The following ZNF565 variants were observed in gnomAD, a reference collection of about 807,000 sequenced individuals.
ZNF565 encodes zinc finger protein 565.
In ZNF565, 27 loss-of-function variants were observed where a neutral mutation model predicts 39.4. That is an observed-to-expected ratio of 0.69 (90% CI 0.51 to 0.95). The LOEUF (loss-of-function observed/expected upper bound fraction) is 0.95. Ranked by LOEUF, ZNF565 falls within the 40% of genes least tolerant of loss-of-function variation. The pLI is 0.00. For synonymous variants in ZNF565, 185 were observed against 216.6 expected, an observed-to-expected ratio of 0.85 and a Z score of 1.28; for missense variants, 524 against 621.1, an observed-to-expected ratio of 0.84 and a Z score of 1.66.
At chr19:36,224,689 A>G (rs1316914620) in intron 1 of ZNF565, among the ~76,000 whole-genome samples, 2 of 151,988 alleles carry the variant, frequency 1.3e-5, no homozygotes, top group African/African-American at 2.4e-5. Context: ...CCAGAGGGGG[A>G]AAAGGTAGAA....
At chr19:36,218,158 A>G (rs1287795876), upstream of ZNF565, 1 of 143,248 alleles carries the variant, frequency 7.0e-6, no homozygotes, top group Non-Finnish European at 1.5e-5. Flanking sequence ...TCCTGTGTTA[A>G]CTCCTTCCTC....
intron 4 of ZNF565, among the ~76,000 whole-genome samples, chr19:36,185,974 G>A (rs1975284046): frequency 6.6e-6 from 1 of 151,436 alleles, no homozygotes; most frequent in African/African-American, 2.4e-5. Context: ...GATTACGGGC[G>A]TTTGCCACTG....
intron 2 of ZNF565, among the ~76,000 whole-genome samples, chr19:36,200,028 T>C (rs1006965212): frequency 6.6e-6 from 1 of 151,796 alleles, no homozygotes; most frequent in African/African-American, 2.4e-5. Context: ...GAAAGAAATA[T>C]AATTTTTTTT....
At position 36,195,272 on chromosome 19, in the gene ZNF565, T is replaced by C. The variant is rs1975715934; in HGVS notation, c.10-116A>G. 12 of 1,198,090 alleles carry C rather than the reference T, an allele frequency of 1.0e-5. No homozygotes were observed. The East Asian group carries it at 2.4e-4, about 24-fold the overall frequency. The allele number at this position is 1,198,090 out of a possible 1,614,324, so 74.2% of individuals were successfully genotyped here. On this transcript the variant is annotated intron_variant, in intron 2 of 4. Coordinates refer to ENST00000304116, the MANE Select transcript of ZNF565 (RefSeq NM_152477.5). Reference sequence around the variant, plus strand: ...AGTTGACAGTAATGGCCCCCCGATATGCACCAGTCTGCTTCAACAGTTAAC... The same window carrying C: ...AGTTGACAGTAATGGCCCCCCGATACGCACCAGTCTGCTTCAACAGTTAAC...
intron 4 of ZNF565, among the ~76,000 whole-genome samples, chr19:36,188,391 TAAAAAC>T (rs1975394175): frequency 6.9e-6 from 1 of 144,164 alleles, no homozygotes; most frequent in Non-Finnish European, 1.5e-5. Flanking sequence ...AAAAAAAAAT[TAAAAAC>T]AAAAAACAAA....
intron 1 of ZNF565, among the ~76,000 whole-genome samples, chr19:36,205,205 T>C (rs368767875): frequency 1.3e-5 from 2 of 151,936 alleles, no homozygotes; most frequent in African/African-American, 2.4e-5. Context: ...CTGGGTAACA[T>C]AGTGAGCCCT....
At chr19:36,230,762 G>A (rs990557786) in intron 1 of ZNF565, among the ~76,000 whole-genome samples, 3 of 152,158 alleles carry the variant, frequency 2.0e-5, no homozygotes, top group Admixed American at 6.6e-5. Flanking sequence ...TTGATTCTGA[G>A]TGATTTGGGA....
chr19:36,242,162 A>G (rs1977811534), intron 1 of ZNF565, among the ~76,000 whole-genome samples: 1 of 152,226 alleles, frequency 6.6e-6, no homozygotes, highest in South Asian at 2.1e-4. Context: ...CTGTAATCCC[A>G]GCACTTTGGG....
At chr19:36,221,482 G>T (rs899468512) in intron 1 of ZNF565, among the ~76,000 whole-genome samples, 1 of 151,758 alleles carries the variant, frequency 6.6e-6, no homozygotes, top group Non-Finnish European at 1.5e-5. Context: ...TAGAGACGAG[G>T]TTTCACCATG....
chr19:36,237,145 A>G (rs201732634), intron 1 of ZNF565: 2 of 1,614,058 alleles, frequency 1.2e-6, no homozygotes, highest in African/African-American at 2.7e-5. Flanking sequence ...GAAGCCATAC[A>G]GGGGAGAAGC....
intron 1 of ZNF565, chr19:36,213,012 T>C (rs1599948163): frequency 6.6e-6 from 1 of 152,268 alleles, no homozygotes; most frequent in South Asian, 2.1e-4. Flanking sequence ...CCATCCTCCT[T>C]ACCTACCATA....
chr19:36,208,726 T>C (rs1008870355), intron 1 of ZNF565, among the ~76,000 whole-genome samples: 1 of 152,192 alleles, frequency 6.6e-6, no homozygotes, highest in African/African-American at 2.4e-5. Flanking sequence ...GGCCAAGTTA[T>C]GGGAGCTAGA....
chr19:36,221,846 A>G (rs1976854004), intron 1 of ZNF565, among the ~76,000 whole-genome samples: 1 of 151,434 alleles, frequency 6.6e-6, no homozygotes, highest in Non-Finnish European at 1.5e-5. Context: ...TACATAAAAG[A>G]TAGCATACCA....
chr19:36,212,889 CAAG>C (rs1445751346), intron 1 of ZNF565: 4 of 152,098 alleles, frequency 2.6e-5, no homozygotes, highest in Non-Finnish European at 4.4e-5. Context: ...TCCTGAAAAA[CAAG>C]AAGGATTTCA....
chr19:36,185,632 G>T (rs1975265885), intron 4 of ZNF565, among the ~76,000 whole-genome samples: 2 of 151,642 alleles, frequency 1.3e-5, no homozygotes, highest in African/African-American at 4.8e-5. Flanking sequence ...TCTCTCATCA[G>T]GTTCTTCCAT....
rs376763419 is a variant in ZNF565 at position 36,196,812 on chromosome 19, C to G, written c.10-1656G>C. On this transcript the variant is annotated intron_variant, in intron 2 of 4. Coordinates refer to ENST00000304116, the MANE Select transcript of ZNF565 (RefSeq NM_152477.5). ...GCTGGGCACGGTGGTAATTCCAGCA[C>G]TTTGGGAGGCTGAGGTGGGTGAATC... Among the ~76,000 whole-genome samples, 98 of 152,124 alleles carry G rather than the reference C, an allele frequency of 6.4e-4. 1 individual carries two copies. In the South Asian group the frequency reaches 0.019, roughly 29 times the overall value.
intron 1 of ZNF565, among the ~76,000 whole-genome samples, chr19:36,211,747 C>T (rs192595074): frequency 1.6e-3 from 238 of 151,426 alleles, no homozygotes; most frequent in African/African-American, 5.4e-3. Flanking sequence ...GAGCCGAGCT[C>T]GCGCCACTGC....
chr19:36,242,372 G>T (rs1325244936), intron 1 of ZNF565, among the ~76,000 whole-genome samples: 3 of 151,720 alleles, frequency 2.0e-5, no homozygotes, highest in Non-Finnish European at 2.9e-5. Flanking sequence ...TCAAGCTATT[G>T]AACTCCAGCC....
chr19:36,223,479 C>T (rs1164113491), intron 1 of ZNF565, among the ~76,000 whole-genome samples: 3 of 152,008 alleles, frequency 2.0e-5, no homozygotes, highest in Admixed American at 6.6e-5. Flanking sequence ...TCTCCTGCCT[C>T]AGCCTCCCAA....
Sources: allele counts gnomAD v4.1 joint callset (sites outside exome capture counted in the v4.1 genomes callset), GRCh38; gene constraint gnomAD v4.1.1; transcripts MANE v1.5; gene names NCBI Gene and HGNC (gene_info 2026-07-23, HGNC 2026-07-21).